The following EPB41L3 variants were observed in gnomAD, a reference collection of about 807,000 sequenced individuals.
The protein encoded by EPB41L3 is band 4.1-like protein 3.
Under a neutral mutation model 127.1 loss-of-function variants are expected in EPB41L3, and 57 were observed. That is an observed-to-expected ratio of 0.45 (90% CI 0.36 to 0.56). The LOEUF is 0.56. EPB41L3 is among the 20% of genes least tolerant of loss of function. The pLI is 0.00. For missense variants in EPB41L3, 1,273 were observed against 1,372.2 expected, an observed-to-expected ratio of 0.93 and a Z score of 1.14; for synonymous variants, 572 against 549.5, an observed-to-expected ratio of 1.04 and a Z score of -0.57.
intron 3 of EPB41L3, among the ~76,000 whole-genome samples, chr18:5,577,998 C>T (rs935487854): frequency 6.6e-6 from 1 of 151,888 alleles, no homozygotes; most frequent in Non-Finnish European, 1.5e-5. Flanking sequence ...TAAAGTTCAA[C>T]AATACTAGTA....
chr18:5,436,542 G>A (rs1391730976), intron 6 of EPB41L3, among the ~76,000 whole-genome samples: 1 of 151,124 alleles, frequency 6.6e-6, no homozygotes, highest in African/African-American at 2.4e-5. Context: ...CTGAGTAGCT[G>A]GGACTTCAGG....
chr18:5,476,527 C>G (rs1246155820), intron 3 of EPB41L3, among the ~76,000 whole-genome samples: 1 of 152,204 alleles, frequency 6.6e-6, no homozygotes, highest in Admixed American at 6.5e-5. Context: ...ATTATCCTCT[C>G]TATGTGAAAC....
At chr18:5,472,730 A>G (rs1427317435) in intron 3 of EPB41L3, among the ~76,000 whole-genome samples, 1 of 152,216 alleles carries the variant, frequency 6.6e-6, no homozygotes, top group Non-Finnish European at 1.5e-5. Context: ...TGTAACCTAT[A>G]GAAGTTGGAA....
chr18:5,469,640 A>C (rs2085720170), intron 3 of EPB41L3, among the ~76,000 whole-genome samples: 1 of 152,198 alleles, frequency 6.6e-6, no homozygotes, highest in Admixed American at 6.5e-5. Flanking sequence ...AATCAAGCAT[A>C]GGCGCCACCC....
At chr18:5,486,864 A>T (rs1383613250) in intron 2 of EPB41L3, among the ~76,000 whole-genome samples, 1 of 152,202 alleles carries the variant, frequency 6.6e-6, no homozygotes, top group Non-Finnish European at 1.5e-5. Context: ...GAGAATCCTC[A>T]TAAACTGCTA....
chr18:5,404,468 TC>T (rs1211155358), intron 16 of EPB41L3, among the ~76,000 whole-genome samples: 2 of 152,160 alleles, frequency 1.3e-5, no homozygotes, highest in African/African-American at 4.8e-5. Flanking sequence ...GCTGAAAAAA[TC>T]CTTTCCTGGC....
At chr18:5,450,317 C>A (rs2082121984) in intron 3 of EPB41L3, among the ~76,000 whole-genome samples, 1 of 152,062 alleles carries the variant, frequency 6.6e-6, no homozygotes, top group South Asian at 2.1e-4. Flanking sequence ...GCACAAAGAA[C>A]AAACTGTAAT....
chr18:5,406,123 C>A (rs2075344105), intron 16 of EPB41L3, among the ~76,000 whole-genome samples: 1 of 151,746 alleles, frequency 6.6e-6, no homozygotes. Context: ...TGGTGAAGGG[C>A]ATCTATAGTC....
intron 1 of EPB41L3, among the ~76,000 whole-genome samples, chr18:5,505,643 C>A (rs1041158376): frequency 2.1e-5 from 3 of 146,038 alleles, no homozygotes; most frequent in Non-Finnish European, 4.5e-5. Context: ...TTCACCTCCA[C>A]CCCTACCATC....
At chr18:5,599,887 T>C (rs1249851090) in intron 3 of EPB41L3, among the ~76,000 whole-genome samples, 1 of 152,172 alleles carries the variant, frequency 6.6e-6, no homozygotes, top group East Asian at 1.9e-4. Flanking sequence ...ATTTATATTC[T>C]CTTCTTGGAA....
At position 5,475,240 on chromosome 18, in the gene EPB41L3, T is replaced by A. The variant is rs116625107; in HGVS notation, c.381+3001A>T. Among the ~76,000 whole-genome samples, 956 of 152,336 alleles carry A rather than the reference T, an allele frequency of 6.3e-3. 9 individuals carry two copies. The highest frequency in any genetic ancestry group is 0.021 in the African/African-American group (876 of 41,574). ...AAACAGGGACCATTTATTAAGAATA[T>A]GCCACATCCCAGAAAGTGTTCAAAT... On this transcript the variant is annotated intron_variant, in intron 3 of 22. Coordinates refer to ENST00000341928, the MANE Select transcript of EPB41L3 (RefSeq NM_012307.5).
chr18:5,510,746 C>G (rs1360473935), intron 1 of EPB41L3, among the ~76,000 whole-genome samples: 1 of 152,184 alleles, frequency 6.6e-6, no homozygotes, highest in East Asian at 1.9e-4. Context: ...ATCCTAATGC[C>G]TAGCACATAG....
At chr18:5,547,778 GT>G (rs1358172454), upstream of EPB41L3, among the ~76,000 whole-genome samples, 5 of 152,268 alleles carry the variant, frequency 3.3e-5, no homozygotes, top group South Asian at 1.0e-3. Context: ...GAGTGAATGA[GT>G]AACTGGTATT....
intron 2 of EPB41L3, among the ~76,000 whole-genome samples, chr18:5,482,461 A>C (rs545851115): frequency 8.5e-5 from 13 of 152,344 alleles, no homozygotes; most frequent in African/African-American, 3.1e-4. Flanking sequence ...TAATCACAGG[A>C]AACTTTCCAA....
chr18:5,428,752 C>T (rs191286316), intron 8 of EPB41L3, among the ~76,000 whole-genome samples: 3 of 152,182 alleles, frequency 2.0e-5, no homozygotes, highest in Admixed American at 6.5e-5. Flanking sequence ...ATGTTAATAA[C>T]GGTAATAATA....
At chr18:5,398,422 TCA>T in intron 16 of EPB41L3, 1 of 455,806 alleles carries the variant, frequency 2.2e-6, no homozygotes, top group African/African-American at 2.0e-5. Flanking sequence ...AGCAGCACTA[TCA>T]CATCTTGGGA....
chr18:5,437,645 T>C (rs2080056490), intron 6 of EPB41L3, among the ~76,000 whole-genome samples: 1 of 152,230 alleles, frequency 6.6e-6, no homozygotes, highest in African/African-American at 2.4e-5. Context: ...TATGTGTGTG[T>C]GTATGTGTTG....
chr18:5,577,521 C>T (rs1380989093), intron 3 of EPB41L3: 3 of 315,854 alleles, frequency 9.5e-6, no homozygotes, highest in Non-Finnish European at 1.9e-5. Flanking sequence ...AGATTCTCTC[C>T]TTAAATTCAA....
At chr18:5,611,067 T>A (rs2094719796) in intron 3 of EPB41L3, among the ~76,000 whole-genome samples, 2 of 152,334 alleles carry the variant, frequency 1.3e-5, no homozygotes, top group South Asian at 4.1e-4. Context: ...AGGAATTCTG[T>A]GATCCTCAGG....
Sources: allele counts gnomAD v4.1 joint callset (sites outside exome capture counted in the v4.1 genomes callset), GRCh38; gene constraint gnomAD v4.1.1; transcripts MANE v1.5; gene names NCBI Gene and HGNC (gene_info 2026-07-23, HGNC 2026-07-21).